The following STT3B variants were observed in gnomAD, a reference collection of about 807,000 sequenced individuals.
STT3B encodes STT3 oligosaccharyltransferase complex catalytic subunit B, also known as dolichyl-diphosphooligosaccharide--protein glycosyltransferase subunit STT3B.
STT3B carries 29 observed loss-of-function variants against 96.8 expected under a neutral mutation model. That is an observed-to-expected ratio of 0.30 (90% CI 0.22 to 0.41). STT3B has a LOEUF of 0.41. Among genes scored for constraint, STT3B ranks in the 10% least tolerant of loss-of-function variants. STT3B has a pLI of 1.00. For missense variants in STT3B, 640 were observed against 1,022.3 expected, an observed-to-expected ratio of 0.63 and a Z score of 5.10; for synonymous variants, 367 against 360.0, an observed-to-expected ratio of 1.02 and a Z score of -0.22.
chr3:31,572,038 G>GATATATTAATATATC (rs1304704604), intron 1 of STT3B, among the ~76,000 whole-genome samples: 1 of 39,832 alleles, frequency 2.5e-5, no homozygotes, highest in Non-Finnish European at 9.3e-5. Flanking sequence ...ATTAATATAT[G>GATATATTAATATATC]ATATATTAAT....
intron 4 of STT3B, 141 bp downstream of exon 4, chr3:31,597,004 C>CA: frequency 1.5e-6 from 1 of 649,350 alleles, no homozygotes; most frequent in South Asian, 2.1e-5. Context: ...TTCTCCTACT[C>CA]ACAGGTCCTG....
intron 3 of STT3B, among the ~76,000 whole-genome samples, chr3:31,580,555 G>A (rs980994375): frequency 1.3e-5 from 2 of 152,072 alleles, no homozygotes; most frequent in African/African-American, 4.8e-5. Context: ...ATTTATTTAT[G>A]TATTTATTAT....
At chr3:31,549,900 T>C (rs1697508388) in intron 1 of STT3B, among the ~76,000 whole-genome samples, 1 of 152,216 alleles carries the variant, frequency 6.6e-6, no homozygotes, top group South Asian at 2.1e-4. Flanking sequence ...TCCATCTCTA[T>C]TGGGCTTAGC....
chr3:31,631,372 G>A (rs1699661245), intron 14 of STT3B, among the ~76,000 whole-genome samples: 1 of 152,118 alleles, frequency 6.6e-6, no homozygotes, highest in African/African-American at 2.4e-5. Context: ...GAAGCACACT[G>A]GCCATAATAA....
Position 31,636,592 on chromosome 3 carries a change from G to T in STT3B, c.*528G>T, listed in dbSNP as rs978702600. The T allele has an allele frequency of 6.6e-6, 1 of 152,176 alleles. No homozygotes were observed. Among genetic ancestry groups the T allele is most frequent in the Non-Finnish European group, 1.5e-5 (1 of 68,034 alleles). The allele number at this position is 152,176 out of a possible 1,614,324, so 9.4% of individuals were successfully genotyped here. Reference sequence around the variant, plus strand: ...TATTTTCATGTTTCTCTAATGCAAAGAATGTTTCATCAAATGTATATTTTC... The same window carrying T: ...TATTTTCATGTTTCTCTAATGCAAATAATGTTTCATCAAATGTATATTTTC... On this transcript the variant is annotated 3_prime_UTR_variant, in exon 16 of 16. Coordinates refer to ENST00000295770, the MANE Select transcript of STT3B (RefSeq NM_178862.3).
intron 6 of STT3B, among the ~76,000 whole-genome samples, chr3:31,616,160 T>C (rs1294629426): frequency 4.0e-5 from 6 of 151,830 alleles, no homozygotes; most frequent in Non-Finnish European, 7.4e-5. Flanking sequence ...AGAAATAAGA[T>C]TGGACAAAGA....
At position 31,533,218 on chromosome 3, in the gene STT3B, T is replaced by A; in HGVS notation, c.220T>A (p.Phe74Ile). ...GGCTGGGTGGCAGTCGCTTCTCTCC[T>A]TCACCATCCTCTTCCTGGCCTGGCT... ...QPAGWQSLLS[F>I]TILFLAWLAG... Residue 74 changes from phenylalanine to isoleucine, a missense_variant, in exon 1 of 16, where the codon TTC becomes ATC. Physicochemically the swap from Phe to Ile is conservative, Grantham distance 21. Transcript: ENST00000295770. 6.8e-7 allele frequency: 1 copy of A among 1,466,434 alleles called. No individual in the cohort carries two copies. Among genetic ancestry groups the A allele is most frequent in the Non-Finnish European group, 9.1e-7 (1 of 1,103,224 alleles). 90.8% of individuals were successfully genotyped at this position (1,466,434 alleles called of 1,614,324 possible).
chr3:31,534,028 G>C (rs996926930), intron 1 of STT3B, among the ~76,000 whole-genome samples: 4 of 152,050 alleles, frequency 2.6e-5, no homozygotes, highest in African/African-American at 7.2e-5. Context: ...CTTTTTTTCA[G>C]AGCTCTTAAG....
chr3:31,556,334 G>A (rs1009054687), intron 1 of STT3B, among the ~76,000 whole-genome samples: 2 of 152,076 alleles, frequency 1.3e-5, no homozygotes, highest in Admixed American at 6.5e-5. Flanking sequence ...CTGCATCTTC[G>A]CTGTTGTGAA....
At chr3:31,602,636 A>G (rs1698955214) in intron 5 of STT3B, among the ~76,000 whole-genome samples, 1 of 151,270 alleles carries the variant, frequency 6.6e-6, no homozygotes, top group African/African-American at 2.4e-5. Context: ...AATTTGAGAA[A>G]GGCCTTTGTA....
At chr3:31,541,769 G>A (rs915597602) in intron 1 of STT3B, among the ~76,000 whole-genome samples, 1 of 152,068 alleles carries the variant, frequency 6.6e-6, no homozygotes, top group African/African-American at 2.4e-5. Context: ...GCAGAGACGA[G>A]GTTTCACCGT....
At chr3:31,596,127 C>G (rs1356196627) in intron 3 of STT3B, among the ~76,000 whole-genome samples, 1 of 152,136 alleles carries the variant, frequency 6.6e-6, no homozygotes, top group African/African-American at 2.4e-5. Context: ...TTACTTTTCT[C>G]TTTCAGCCAA....
intron 5 of STT3B, among the ~76,000 whole-genome samples, chr3:31,609,618 AGAATCTCACTCTGTCACTCAGGCTG>A (rs1182411686): frequency 6.6e-6 from 1 of 152,038 alleles, no homozygotes; most frequent in East Asian, 1.9e-4. Flanking sequence ...GTTTTGAGAC[AGAATCTCACTCTGTCACTCAGGCTG>A]GAGTGCAGTG....
At chr3:31,557,701 C>T (rs1192956408) in intron 1 of STT3B, among the ~76,000 whole-genome samples, 3 of 152,084 alleles carry the variant, frequency 2.0e-5, no homozygotes, top group Admixed American at 6.6e-5. Flanking sequence ...GGCGCAGTCT[C>T]GGCTCACTGC....
intron 1 of STT3B, among the ~76,000 whole-genome samples, chr3:31,541,887 A>G (rs1352294417): frequency 3.9e-5 from 6 of 152,104 alleles, no homozygotes; most frequent in Non-Finnish European, 5.9e-5. Flanking sequence ...TTCAGCAATA[A>G]TTTGGCTAAC....
intron 3 of STT3B, among the ~76,000 whole-genome samples, chr3:31,588,081 A>G (rs1464709724): frequency 2.0e-5 from 3 of 152,160 alleles, no homozygotes; most frequent in African/African-American, 7.2e-5. Context: ...TTGAGGTGAA[A>G]ATAACATTCT....
At position 31,608,520 on chromosome 3, in the gene STT3B, T is replaced by C. The variant is rs146844558; in HGVS notation, c.878-6585T>C. Reference sequence around the variant, plus strand: ...TAGTTCACAAGGATTAGTCCTCCAGTATCTCCTTATATTAAAACTCGGGAT... The same window carrying C: ...TAGTTCACAAGGATTAGTCCTCCAGCATCTCCTTATATTAAAACTCGGGAT... On this transcript the variant is annotated intron_variant, in intron 5 of 15. Transcript: ENST00000295770. 4.7e-3 allele frequency among the ~76,000 whole-genome samples: 722 copies of C among 152,334 alleles called. 7 individuals carry two copies. The highest frequency in any genetic ancestry group is 0.016 in the African/African-American group (659 of 41,562).
chr3:31,577,805 A>G (rs972073601), intron 2 of STT3B, among the ~76,000 whole-genome samples: 1 of 152,132 alleles, frequency 6.6e-6, no homozygotes, highest in Non-Finnish European at 1.5e-5. Flanking sequence ...GCAGATAGCT[A>G]TTATCTGCAG....
intron 1 of STT3B, among the ~76,000 whole-genome samples, chr3:31,549,475 C>T (rs1373419115): frequency 1.3e-5 from 2 of 151,042 alleles, no homozygotes. Context: ...GAAAGTTGGT[C>T]ATTTTGCTTA....
Sources: allele counts gnomAD v4.1 joint callset (sites outside exome capture counted in the v4.1 genomes callset), GRCh38; gene constraint gnomAD v4.1.1; transcripts MANE v1.5; gene names NCBI Gene and HGNC (gene_info 2026-07-23, HGNC 2026-07-21).